TMTC2: variants seen among roughly 807,000 people sequenced by gnomAD.
TMTC2 encodes the protein transmembrane O-mannosyltransferase targeting cadherins 2, also known as protein O-mannosyl-transferase TMTC2.
A neutral mutation model predicts 82.4 loss-of-function variants in TMTC2; 43 were observed. The observed-to-expected ratio is 0.52, with a 90% CI of 0.41 to 0.67. The LOEUF (loss-of-function observed/expected upper bound fraction) is 0.67. Ranked by LOEUF, TMTC2 falls within the 30% of genes least tolerant of loss-of-function variation. The probability of loss-of-function intolerance (pLI) is 0.00; values close to 1 mark genes in which losing one functional copy is unlikely to be tolerated. For missense variants in TMTC2, 919 were observed against 1,012.4 expected, an observed-to-expected ratio of 0.91 and a Z score of 1.25; for synonymous variants, 408 against 381.9, an observed-to-expected ratio of 1.07 and a Z score of -0.80.
At chr12:82,791,415 G>A (rs567764981) in intron 1 of TMTC2, among the ~76,000 whole-genome samples, 1 of 152,132 alleles carries the variant, frequency 6.6e-6, no homozygotes, top group East Asian at 1.9e-4. Context: ...GTGAAATTAA[G>A]ACAGGCAGAT....
At chr12:82,772,944 T>G (rs1877386355) in intron 1 of TMTC2, among the ~76,000 whole-genome samples, 1 of 152,214 alleles carries the variant, frequency 6.6e-6, no homozygotes, top group African/African-American at 2.4e-5. Flanking sequence ...TATTAATTAC[T>G]TTAGAAAATT....
At chr12:82,961,540 G>A (rs1056603046) in intron 4 of TMTC2, among the ~76,000 whole-genome samples, 5 of 151,894 alleles carry the variant, frequency 3.3e-5, no homozygotes, top group African/African-American at 4.8e-5. Flanking sequence ...ATTTAGTATC[G>A]GAAACTGTTC....
At chr12:83,016,950 C>T (rs1166374146) in intron 8 of TMTC2, among the ~76,000 whole-genome samples, 2 of 152,130 alleles carry the variant, frequency 1.3e-5, no homozygotes, top group African/African-American at 2.4e-5. Flanking sequence ...TAGTAAGCTG[C>T]TCTATAATAT....
chr12:82,833,963 A>G (rs544974519), intron 1 of TMTC2, among the ~76,000 whole-genome samples: 31 of 152,340 alleles, frequency 2.0e-4, no homozygotes, highest in African/African-American at 7.0e-4. Context: ...AAAAATATCT[A>G]ATTTAAAAAC....
At chr12:82,874,745 T>C (rs950560603) in intron 2 of TMTC2, among the ~76,000 whole-genome samples, 3 of 152,126 alleles carry the variant, frequency 2.0e-5, no homozygotes, top group African/African-American at 7.2e-5. Flanking sequence ...TCCCACTTTC[T>C]AATTCTTAAC....
intron 1 of TMTC2, among the ~76,000 whole-genome samples, chr12:82,737,167 T>C (rs1433124828): frequency 6.6e-6 from 1 of 152,212 alleles, no homozygotes. Context: ...CAATTTTAAC[T>C]AGAATTATAA....
intron 4 of TMTC2, among the ~76,000 whole-genome samples, chr12:82,961,275 A>T (rs1877918877): frequency 6.6e-6 from 1 of 150,520 alleles, no homozygotes; most frequent in Non-Finnish European, 1.5e-5. Context: ...TCATGTTATC[A>T]GTAAAATAAA....
chr12:82,727,673 A>G (rs1471515287), intron 1 of TMTC2, among the ~76,000 whole-genome samples: 2 of 151,494 alleles, frequency 1.3e-5, no homozygotes, highest in African/African-American at 4.9e-5. Context: ...GTGAGCTGAG[A>G]TTGTGCCATT....
intron 8 of TMTC2, among the ~76,000 whole-genome samples, chr12:82,993,605 G>A (rs1417520688): frequency 6.6e-6 from 1 of 151,970 alleles, no homozygotes; most frequent in Non-Finnish European, 1.5e-5. Flanking sequence ...ACAAACACAG[G>A]CTATTATTAT....
intron 1 of TMTC2, among the ~76,000 whole-genome samples, chr12:82,709,593 A>T (rs537740903): frequency 2.4e-4 from 37 of 152,338 alleles, no homozygotes; most frequent in Non-Finnish European, 5.0e-4. Context: ...AAAATTCTTA[A>T]ATCAGAAACC....
intron 1 of TMTC2, among the ~76,000 whole-genome samples, chr12:82,852,359 G>A (rs147606604): frequency 0.023 from 3,480 of 151,932 alleles, 136 homozygotes; most frequent in African/African-American, 0.079. Context: ...CATCGTCCTC[G>A]GCCTCCCAAA....
At chr12:82,927,612 A>G (rs1188985740) in intron 3 of TMTC2, among the ~76,000 whole-genome samples, 1 of 152,192 alleles carries the variant, frequency 6.6e-6, no homozygotes, top group African/African-American at 2.4e-5. Flanking sequence ...AAATAACATC[A>G]CCTGTTACAG....
intron 1 of TMTC2, among the ~76,000 whole-genome samples, chr12:82,726,016 T>C (rs558688467): frequency 2.6e-5 from 4 of 152,314 alleles, no homozygotes; most frequent in South Asian, 4.1e-4. Context: ...GTTATGTTAA[T>C]AGAGATTCTT....
At chr12:83,080,336 G>A (rs936653291) in intron 11 of TMTC2, among the ~76,000 whole-genome samples, 1 of 152,004 alleles carries the variant, frequency 6.6e-6, no homozygotes, top group East Asian at 1.9e-4. Context: ...CTGATAATGT[G>A]TATTTAAACC....
intron 11 of TMTC2, among the ~76,000 whole-genome samples, chr12:83,072,854 G>C (rs1883164412): frequency 6.6e-6 from 1 of 151,954 alleles, no homozygotes; most frequent in South Asian, 2.1e-4. Context: ...CTCATGAAAT[G>C]CCTTTTTTCA....
chr12:83,124,955 A>G (rs917968746), intron 11 of TMTC2, among the ~76,000 whole-genome samples: 4 of 152,206 alleles, frequency 2.6e-5, no homozygotes, highest in Admixed American at 2.6e-4. Context: ...AGAAATGAAG[A>G]GTAGTAAAGA....
At chr12:83,094,809 A>C (rs1322274673) in intron 11 of TMTC2, among the ~76,000 whole-genome samples, 1 of 152,222 alleles carries the variant, frequency 6.6e-6, no homozygotes, top group Non-Finnish European at 1.5e-5. Flanking sequence ...CTAGTTATTT[A>C]GATTAGGAAT....
intron 8 of TMTC2, among the ~76,000 whole-genome samples, chr12:82,993,089 A>AT (rs1879466895): frequency 6.6e-6 from 1 of 152,002 alleles, no homozygotes; most frequent in Admixed American, 6.6e-5. Context: ...GATTCAGGCG[A>AT]TTCTTCTGCC....
chr12:82,900,710 G>A (rs950465549), intron 3 of TMTC2, among the ~76,000 whole-genome samples: 3 of 131,562 alleles, frequency 2.3e-5, no homozygotes, highest in African/African-American at 8.6e-5. Context: ...ATATATCTCT[G>A]GAATATATAT....
Sources: gnomAD v4.1 joint callset for allele counts (sites outside exome capture counted in the v4.1 genomes callset) on GRCh38, gnomAD v4.1.1 for gene constraint, MANE v1.5 for transcripts, NCBI Gene and HGNC (gene_info 2026-07-23, HGNC 2026-07-21) for gene names.